ADGRL2: variants seen among roughly 807,000 people sequenced by gnomAD.
The protein encoded by ADGRL2 is adhesion G protein-coupled receptor L2.
In ADGRL2, 44 loss-of-function variants were observed where a neutral mutation model predicts 157.4. The ratio of observed to expected loss-of-function variants is 0.28; its 90% CI spans 0.22 to 0.36. ADGRL2 has a LOEUF of 0.36. ADGRL2 is among the 10% of genes least tolerant of loss of function. ADGRL2 has a pLI of 1.00. For synonymous variants in ADGRL2, 585 were observed against 624.7 expected (o/e 0.94, Z 0.95); for missense variants, 1,510 against 1,768.9 (o/e 0.85, Z 2.63).
At chr1:81,816,184 A>G (rs571642432) in intron 1 of ADGRL2, among the ~76,000 whole-genome samples, 2 of 151,934 alleles carry the variant, frequency 1.3e-5, no homozygotes, top group African/African-American at 4.8e-5. Flanking sequence ...TTAATTCACC[A>G]TAATATTAGC....
chr1:81,699,610 T>C (rs2083517041), upstream of ADGRL2: 1 of 152,198 alleles, frequency 6.6e-6, no homozygotes, highest in African/African-American at 2.4e-5. Flanking sequence ...TTCATGCCAA[T>C]ATGACACCTG....
intron 2 of ADGRL2, among the ~76,000 whole-genome samples, chr1:81,872,477 ATACTT>A (rs770489361): frequency 5.3e-5 from 8 of 152,276 alleles, no homozygotes; most frequent in Non-Finnish European, 8.8e-5. Context: ...AAATAAAACT[ATACTT>A]TACAGTTCAC....
At chr1:81,467,759 TAGG>T (rs2078090400) in intron 2 of ADGRL2, among the ~76,000 whole-genome samples, 2 of 152,014 alleles carry the variant, frequency 1.3e-5, no homozygotes, top group African/African-American at 2.4e-5. Context: ...AATGAGACAA[TAGG>T]AGGAGTCATT....
At chr1:81,838,248 T>C (rs1215225495) in intron 2 of ADGRL2, among the ~76,000 whole-genome samples, 1 of 152,046 alleles carries the variant, frequency 6.6e-6, no homozygotes. Flanking sequence ...TCCAGTCCCC[T>C]ACGTTCAGTA....
At chr1:81,654,104 C>A (rs2082479546) in intron 3 of ADGRL2, among the ~76,000 whole-genome samples, 1 of 152,140 alleles carries the variant, frequency 6.6e-6, no homozygotes, top group South Asian at 2.1e-4. Flanking sequence ...TGCCACCACA[C>A]CCAGCTAATT....
intron 3 of ADGRL2, among the ~76,000 whole-genome samples, chr1:81,587,657 G>A (rs2081053690): frequency 6.6e-6 from 1 of 152,140 alleles, no homozygotes; most frequent in South Asian, 2.1e-4. Flanking sequence ...GCAGTGGAAA[G>A]TCACCAAAAT....
At chr1:81,387,928 T>C (rs1557649360) in intron 1 of ADGRL2, among the ~76,000 whole-genome samples, 1 of 152,156 alleles carries the variant, frequency 6.6e-6, no homozygotes, top group Non-Finnish European at 1.5e-5. Flanking sequence ...TCCTCCCTTC[T>C]TTCCATCTTT....
intron 2 of ADGRL2, among the ~76,000 whole-genome samples, chr1:81,864,761 A>G (rs1053628286): frequency 6.6e-6 from 1 of 152,216 alleles, no homozygotes; most frequent in Non-Finnish European, 1.5e-5. Context: ...CAGAAGTTTG[A>G]GAAAAGCCTG....
chr1:81,426,721 G>T, intron 1 of ADGRL2: 1 of 471,074 alleles, frequency 2.1e-6, no homozygotes, highest in Non-Finnish European at 4.1e-6. Flanking sequence ...TTGAAGAGGT[G>T]GATGCAACAA....
intron 1 of ADGRL2, among the ~76,000 whole-genome samples, chr1:81,325,118 T>C (rs1660806659): frequency 6.6e-6 from 1 of 152,170 alleles, no homozygotes; most frequent in African/African-American, 2.4e-5. Context: ...ATTTAGTAAA[T>C]TGTCCACTAG....
At chr1:81,479,276 C>T (rs1354895361) in intron 2 of ADGRL2, among the ~76,000 whole-genome samples, 1 of 149,960 alleles carries the variant, frequency 6.7e-6, no homozygotes, top group African/African-American at 2.5e-5. Flanking sequence ...AATTTGAGAC[C>T]AGCTTGGCTA....
intron 2 of ADGRL2, among the ~76,000 whole-genome samples, chr1:81,565,514 T>G (rs544353891): frequency 6.6e-6 from 1 of 152,304 alleles, no homozygotes; most frequent in East Asian, 1.9e-4. Flanking sequence ...GCACTTGTGT[T>G]TTTGAACTGC....
At chr1:81,832,607 T>C (rs2092023586) in intron 1 of ADGRL2, among the ~76,000 whole-genome samples, 1 of 152,208 alleles carries the variant, frequency 6.6e-6, no homozygotes, top group Non-Finnish European at 1.5e-5. Context: ...GTATAAATAG[T>C]TTAATTAATG....
Position 81,721,668 on chromosome 1 carries a change from C to T in ADGRL2, c.-143+21860C>T, listed in dbSNP as rs1282578690. The T allele has an allele frequency of 3.8e-6, 4 of 1,063,868 alleles. No homozygotes were observed. In the African/African-American group the frequency reaches 4.7e-5, roughly 12 times the overall value. The allele number at this position is 1,063,868 out of a possible 1,614,324, so 65.9% of individuals were successfully genotyped here. ...GGCCTGGAACCGGGCTGCAGCTCTT[C>T]AGCTTCGCCCACTGCTTCCTGACCA... On this transcript the variant is annotated intron_variant, in intron 1 of 20. Coordinates refer to the ADGRL2 transcript ENST00000359929.
At chr1:81,792,403 A>T (rs2087392669) in intron 2 of ADGRL2, among the ~76,000 whole-genome samples, 1 of 152,182 alleles carries the variant, frequency 6.6e-6, no homozygotes, top group Non-Finnish European at 1.5e-5. Flanking sequence ...TCCATTTTGT[A>T]TTTCTTATGT....
At chr1:81,712,755 ATTTTTTTTTTT>A (rs60265943) in intron 1 of ADGRL2, among the ~76,000 whole-genome samples, 1 of 100,250 alleles carries the variant, frequency 1.0e-5, no homozygotes, top group Non-Finnish European at 1.9e-5. Context: ...TGGATCGCGG[ATTTTTTTTTTT>A]TTTTTTTTTT....
intron 2 of ADGRL2, chr1:81,503,083 C>G: frequency 6.2e-7 from 1 of 1,609,416 alleles, no homozygotes; most frequent in Non-Finnish European, 8.5e-7. Context: ...GTCAGGGGAG[C>G]CTGCTGAGAA....
rs140507861 is a variant in ADGRL2 at position 81,842,885 on chromosome 1, A to G, written c.73+5828A>G. Among the ~76,000 whole-genome samples the G allele has an allele frequency of 3.7e-3, 556 of 152,220 alleles. 5 individuals are homozygous for G. The highest frequency in any genetic ancestry group is 4.0e-3 in the Non-Finnish European group (271 of 68,030). ...TGAATTGACTTACTGTGGGGATTTC[A>G]GATTTCCCAATCTAACAAAATTAAC... On this transcript the variant is annotated intron_variant, in intron 2 of 23. Transcript: ENST00000686636.
intron 2 of ADGRL2, among the ~76,000 whole-genome samples, chr1:81,848,235 T>C (rs1219232457): frequency 6.6e-6 from 1 of 151,870 alleles, no homozygotes; most frequent in Non-Finnish European, 1.5e-5. Flanking sequence ...CTTAAACCAC[T>C]CAAAAGTAAG....
Sources: allele counts gnomAD v4.1 joint callset (sites outside exome capture counted in the v4.1 genomes callset), GRCh38; gene constraint gnomAD v4.1.1; transcripts MANE v1.5; gene names NCBI Gene and HGNC (gene_info 2026-07-23, HGNC 2026-07-21).